The following NEBL variants were observed in gnomAD, a reference collection of about 807,000 sequenced individuals.
NEBL encodes the protein nebulette.
A neutral mutation model predicts 140.2 loss-of-function variants in NEBL; 122 were observed. The ratio of observed to expected loss-of-function variants is 0.87; its 90% confidence interval spans 0.75 to 1.01. NEBL has a LOEUF of 1.01. Among genes scored for constraint, NEBL ranks in the 50% least tolerant of loss-of-function variants. NEBL has a pLI of 0.00. For missense variants in NEBL, 1,365 were observed against 1,231.3 expected (o/e 1.11, Z -1.62); for synonymous variants, 436 against 398.9 (o/e 1.09, Z -1.11).
intron 4 of NEBL, among the ~76,000 whole-genome samples, chr10:20,915,718 A>T (rs1027862462): frequency 6.6e-6 from 1 of 152,068 alleles, no homozygotes; most frequent in African/African-American, 2.4e-5. Context: ...ATAAACATAC[A>T]TGTGCATGTG....
At chr10:20,833,311 A>C (rs1840591067) in intron 14 of NEBL, among the ~76,000 whole-genome samples, 1 of 151,858 alleles carries the variant, frequency 6.6e-6, no homozygotes, top group African/African-American at 2.4e-5. Context: ...GGAAGGCTTG[A>C]CTCTTGAGGG....
At chr10:20,984,261 C>T (rs1248083824) in intron 3 of NEBL, among the ~76,000 whole-genome samples, 2 of 152,108 alleles carry the variant, frequency 1.3e-5, no homozygotes, top group African/African-American at 2.4e-5. Flanking sequence ...AACAAACTAT[C>T]GTGATGTTAT....
At chr10:20,999,162 GA>G (rs1221089029) in intron 3 of NEBL, among the ~76,000 whole-genome samples, 7,552 of 135,984 alleles carry the variant, frequency 0.056, 189 homozygotes, top group South Asian at 0.07. Context: ...TGTGTGGGGG[GA>G]AAAAAAAAAA....
chr10:20,789,312 A>C (rs1835713285), intron 26 of NEBL, among the ~76,000 whole-genome samples: 1 of 152,256 alleles, frequency 6.6e-6, no homozygotes, highest in Non-Finnish European at 1.5e-5. Flanking sequence ...ATTCTAATTC[A>C]TTGTTACACC....
intron 3 of NEBL, among the ~76,000 whole-genome samples, chr10:20,976,100 C>T (rs1020320139): frequency 6.6e-6 from 1 of 151,516 alleles, no homozygotes; most frequent in Admixed American, 6.6e-5. Context: ...TTTGGGAGGC[C>T]AAGGGAGGCA....
chr10:20,908,568 T>C (rs1262917879), intron 4 of NEBL, among the ~76,000 whole-genome samples: 2 of 152,198 alleles, frequency 1.3e-5, no homozygotes, highest in Non-Finnish European at 1.5e-5. Context: ...AAATGGCACA[T>C]TTATGAGCAG....
At chr10:21,189,255 AGAG>A (rs1485198889) in intron 3 of NEBL, among the ~76,000 whole-genome samples, 1 of 152,130 alleles carries the variant, frequency 6.6e-6, no homozygotes, top group African/African-American at 2.4e-5. Context: ...GACAGGCAGA[AGAG>A]GAGGAGACAC....
intron 2 of NEBL, chr10:21,113,345 C>T: frequency 3.0e-6 from 1 of 329,132 alleles, no homozygotes; most frequent in South Asian, 2.4e-5. Context: ...GGACCTAATT[C>T]TGTAGAAGAC....
chr10:21,135,985 C>T (rs1308052769), intron 2 of NEBL, among the ~76,000 whole-genome samples: 1 of 152,200 alleles, frequency 6.6e-6, no homozygotes, highest in African/African-American at 2.4e-5. Flanking sequence ...ATTGATTAAG[C>T]ACATTTCTCA....
chr10:20,979,071 A>G (rs1462726370), intron 3 of NEBL, among the ~76,000 whole-genome samples: 3 of 140,022 alleles, frequency 2.1e-5, no homozygotes, highest in East Asian at 4.0e-4. Context: ...ATATTAGATG[A>G]AAAAAAAAGC....
rs533989062 is a variant in NEBL at position 20,863,017 on chromosome 10, T to C, written c.685-3191A>G. On this transcript the variant is annotated intron_variant, in intron 7 of 27. Coordinates refer to ENST00000377122, the MANE Select transcript of NEBL (RefSeq NM_006393.3). Reference sequence around the variant, plus strand: ...ACCTTTTGAAAAAATACTGTATAGGTATATAGGATCAAACTCCTAGATGTT... The same window carrying C: ...ACCTTTTGAAAAAATACTGTATAGGCATATAGGATCAAACTCCTAGATGTT... Among the ~76,000 whole-genome samples the C allele has an allele frequency of 5.9e-5, 9 of 152,296 alleles. No individual in the cohort carries two copies. The South Asian group carries it at 1.9e-3, about 32-fold the overall frequency.
chr10:20,815,624 C>T lies in NEBL; in HGVS notation c.2241+1G>A, dbSNP rs113316961. 15 of 1,599,200 alleles carry T rather than the reference C, an allele frequency of 9.4e-6. No homozygotes were observed. In the South Asian group the frequency reaches 1.1e-4, roughly 12 times the overall value. On this transcript the variant is annotated splice_donor_variant, in intron 22 of 27. Coordinates refer to ENST00000377122, the MANE Select transcript of NEBL (RefSeq NM_006393.3). LOFTEE classifies it high-confidence loss of function. ...AGTCTAAAATGAAGAAAACCACTTG[C>T]CGAGCTAATATTTTCTTGATTCTTC...
chr10:20,892,044 T>C (rs1011620190), intron 2 of NEBL, among the ~76,000 whole-genome samples: 4 of 152,232 alleles, frequency 2.6e-5, no homozygotes, highest in African/African-American at 9.6e-5. Flanking sequence ...ATTACAGCCA[T>C]GTCTACATCT....
chr10:20,863,937 G>A (rs1003859039), intron 7 of NEBL, among the ~76,000 whole-genome samples: 1 of 152,164 alleles, frequency 6.6e-6, no homozygotes. Flanking sequence ...AGGAGGGAGT[G>A]CTTGCCAGGA....
At chr10:21,186,576 T>C (rs571353469) in intron 3 of NEBL, among the ~76,000 whole-genome samples, 3 of 152,146 alleles carry the variant, frequency 2.0e-5, no homozygotes, top group Non-Finnish European at 4.4e-5. Context: ...ATGGCCTACA[T>C]GTCACATGCA....
At chr10:21,195,993 C>T (rs1210247774) in intron 3 of NEBL, among the ~76,000 whole-genome samples, 1 of 152,166 alleles carries the variant, frequency 6.6e-6, no homozygotes. Context: ...TTTTATTTTA[C>T]TTATACATTT....
chr10:20,861,940 G>A (rs1219684485), intron 7 of NEBL, among the ~76,000 whole-genome samples: 5 of 152,064 alleles, frequency 3.3e-5, no homozygotes, highest in Admixed American at 6.6e-5. Flanking sequence ...TCACAGCTTC[G>A]CCTGGCCTAC....
intron 3 of NEBL, among the ~76,000 whole-genome samples, chr10:20,967,271 G>T (rs888067977): frequency 1.3e-5 from 2 of 152,164 alleles, no homozygotes; most frequent in African/African-American, 4.8e-5. Flanking sequence ...TAAAATAAGT[G>T]AATCATGGAT....
intron 24 of NEBL, among the ~76,000 whole-genome samples, chr10:20,812,348 T>C (rs1218740902): frequency 2.0e-5 from 3 of 151,944 alleles, no homozygotes; most frequent in African/African-American, 7.3e-5. Context: ...ATACTTGAAG[T>C]TCTAGGGTAC....
Sources: gnomAD v4.1 joint callset for allele counts (sites outside exome capture counted in the v4.1 genomes callset) on GRCh38, gnomAD v4.1.1 for gene constraint, MANE v1.5 for transcripts, NCBI Gene and HGNC (gene_info 2026-07-23, HGNC 2026-07-21) for gene names.